BMP6: variants seen among roughly 807,000 people sequenced by gnomAD.
BMP6 encodes the protein bone morphogenetic protein 6.
A neutral mutation model predicts 54.1 loss-of-function variants in BMP6; 17 were observed. The observed-to-expected ratio is 0.31, with a 90% CI of 0.22 to 0.47. BMP6 has a LOEUF of 0.47. Ranked by LOEUF, BMP6 falls within the 20% of genes least tolerant of loss-of-function variation. The probability of loss-of-function intolerance (pLI) is 1.00; values close to 1 mark genes in which losing one functional copy is unlikely to be tolerated. For missense variants in BMP6, 720 were observed against 690.4 expected (o/e 1.04, Z -0.48); for synonymous variants, 328 against 291.2 (o/e 1.13, Z -1.28).
intron 1 of BMP6, among the ~76,000 whole-genome samples, chr6:7,762,688 G>A (rs1757630755): frequency 6.6e-6 from 1 of 152,144 alleles, no homozygotes; most frequent in African/African-American, 2.4e-5. Flanking sequence ...CTTATATTCT[G>A]ATTAAATAAA....
At chr6:7,756,537 A>G (rs1197880974) in intron 1 of BMP6, among the ~76,000 whole-genome samples, 1 of 152,074 alleles carries the variant, frequency 6.6e-6, no homozygotes, top group African/African-American at 2.4e-5. Context: ...ACATCTTCAA[A>G]TGCTCACTAA....
intron 1 of BMP6, among the ~76,000 whole-genome samples, chr6:7,759,296 G>A (rs1349748111): frequency 1.3e-5 from 2 of 152,162 alleles, no homozygotes; most frequent in African/African-American, 2.4e-5. Context: ...CTGGCCAAAT[G>A]GTTCCTTGAG....
At chr6:7,862,268 A>G in intron 3 of BMP6, 33 bp from the exon 4 acceptor site, 1 of 1,610,234 alleles carries the variant, frequency 6.2e-7, no homozygotes, top group Non-Finnish European at 8.5e-7. Flanking sequence ...TTTCTGTGGA[A>G]TAAAGAGATG....
intron 1 of BMP6, among the ~76,000 whole-genome samples, chr6:7,813,148 T>TATATAA (rs1211230637): frequency 1.1e-5 from 1 of 94,294 alleles, no homozygotes; most frequent in Non-Finnish European, 2.0e-5. Flanking sequence ...TATATATATA[T>TATATAA]AAAATTAGTG....
chr6:7,796,419 A>C (rs1220479751), intron 1 of BMP6, among the ~76,000 whole-genome samples: 1 of 152,242 alleles, frequency 6.6e-6, no homozygotes, highest in African/African-American at 2.4e-5. Flanking sequence ...TGGTAGAAGA[A>C]TAGTACTTTT....
At position 7,841,933 on chromosome 6, in the gene BMP6, T is replaced by A. The variant is rs192125726; in HGVS notation, c.665-3207T>A. On this transcript the variant is annotated intron_variant, in intron 1 of 6. Coordinates refer to ENST00000283147, the MANE Select transcript of BMP6 (RefSeq NM_001718.6). Reference sequence around the variant, plus strand: ...TCTGTTTTCTCATTTTTAGATTTTTTATCTCCTCACATCTTCAAATCTGTG... The same window carrying A: ...TCTGTTTTCTCATTTTTAGATTTTTAATCTCCTCACATCTTCAAATCTGTG... Among the ~76,000 whole-genome samples, 602 of 152,268 alleles carry A rather than the reference T, an allele frequency of 4.0e-3. 1 individual carries two copies. The highest frequency in any genetic ancestry group is 0.034 in the Middle Eastern group (10 of 294).
At chr6:7,806,016 T>C (rs1758342126) in intron 1 of BMP6, among the ~76,000 whole-genome samples, 1 of 152,218 alleles carries the variant, frequency 6.6e-6, no homozygotes, top group Non-Finnish European at 1.5e-5. Context: ...CTTTCACACA[T>C]AAAGATTGCT....
chr6:7,730,248 G>A (rs1226041618), intron 1 of BMP6, among the ~76,000 whole-genome samples: 2 of 152,198 alleles, frequency 1.3e-5, no homozygotes, highest in East Asian at 1.9e-4. Context: ...CCTTGCTAGG[G>A]TGATGGTTTA....
At chr6:7,785,521 C>T (rs1758007481) in intron 1 of BMP6, among the ~76,000 whole-genome samples, 1 of 152,124 alleles carries the variant, frequency 6.6e-6, no homozygotes, top group Non-Finnish European at 1.5e-5. Context: ...CCTTCACTGA[C>T]ATAGTAGGAG....
intron 4 of BMP6, among the ~76,000 whole-genome samples, chr6:7,871,323 G>A (rs1581290736): frequency 6.6e-6 from 1 of 152,354 alleles, no homozygotes; most frequent in East Asian, 1.9e-4. Flanking sequence ...GGGACTGAAA[G>A]CCGCGCTGCT....
chr6:7,820,189 ATG>A (rs1758585208), intron 1 of BMP6, among the ~76,000 whole-genome samples: 1 of 152,258 alleles, frequency 6.6e-6, no homozygotes, highest in South Asian at 2.1e-4. Context: ...ACCTTTTAAA[ATG>A]TGTGTGCATA....
At chr6:7,759,329 C>T (rs1399817801) in intron 1 of BMP6, among the ~76,000 whole-genome samples, 1 of 152,136 alleles carries the variant, frequency 6.6e-6, no homozygotes, top group African/African-American at 2.4e-5. Flanking sequence ...GAGGGGACGT[C>T]TGTGCACATG....
At chr6:7,828,029 CTTT>C (rs900794375) in intron 1 of BMP6, among the ~76,000 whole-genome samples, 1 of 152,170 alleles carries the variant, frequency 6.6e-6, no homozygotes, top group Non-Finnish European at 1.5e-5. Flanking sequence ...TTTTCCCACT[CTTT>C]TTTAAGTTTC....
chr6:7,746,383 G>C (rs1757347217), intron 1 of BMP6, among the ~76,000 whole-genome samples: 1 of 152,218 alleles, frequency 6.6e-6, no homozygotes, highest in Non-Finnish European at 1.5e-5. Context: ...CCTGGCTGCA[G>C]TGTGGAAGAG....
intron 1 of BMP6, among the ~76,000 whole-genome samples, chr6:7,733,297 A>C (rs1761901179): frequency 1.3e-5 from 2 of 152,210 alleles, no homozygotes; most frequent in Admixed American, 1.3e-4. Context: ...TCTTCTGTTC[A>C]GAATTTTAGT....
At chr6:7,833,098 G>A (rs1244500526) in intron 1 of BMP6, among the ~76,000 whole-genome samples, 1 of 151,932 alleles carries the variant, frequency 6.6e-6, no homozygotes, top group Non-Finnish European at 1.5e-5. Context: ...TCTGCATGAG[G>A]GCAGTGGTAG....
intron 4 of BMP6, among the ~76,000 whole-genome samples, chr6:7,870,753 G>A (rs900672259): frequency 5.3e-5 from 8 of 151,978 alleles, no homozygotes; most frequent in African/African-American, 9.7e-5. Flanking sequence ...TCGGCCTCCC[G>A]AGTAGCTGGG....
At chr6:7,803,510 A>G (rs1758302792) in intron 1 of BMP6, among the ~76,000 whole-genome samples, 1 of 152,102 alleles carries the variant, frequency 6.6e-6, no homozygotes, top group South Asian at 2.1e-4. Flanking sequence ...CTTAAGCTCT[A>G]ACCTAATGGC....
intron 1 of BMP6, among the ~76,000 whole-genome samples, chr6:7,762,248 G>A (rs1341164897): frequency 6.6e-6 from 1 of 152,142 alleles, no homozygotes; most frequent in Non-Finnish European, 1.5e-5. Flanking sequence ...AAAGGAAGGG[G>A]TTGTATCTTG....
Sources: allele counts gnomAD v4.1 joint callset (sites outside exome capture counted in the v4.1 genomes callset), GRCh38; gene constraint gnomAD v4.1.1; transcripts MANE v1.5; gene names NCBI Gene and HGNC (gene_info 2026-07-23, HGNC 2026-07-21).